DLG2: variants seen among roughly 807,000 people sequenced by gnomAD.
DLG2 encodes discs large MAGUK scaffold protein 2.
DLG2 carries 45 observed loss-of-function variants against 132.5 expected under a neutral mutation model. The observed-to-expected ratio is 0.34, with a 90% CI of 0.27 to 0.44. The LOEUF is 0.44. Among genes scored for constraint, DLG2 ranks in the 20% least tolerant of loss-of-function variants. The pLI, the probability that DLG2 is intolerant of heterozygous loss-of-function variation, is 1.00. For missense variants in DLG2, 1,045 were observed against 1,196.9 expected, an observed-to-expected ratio of 0.87 and a Z score of 1.87; for synonymous variants, 424 against 419.6, an observed-to-expected ratio of 1.01 and a Z score of -0.13.
At chr11:84,649,150 T>C (rs61899024) in intron 6 of DLG2, among the ~76,000 whole-genome samples, 28,886 of 152,094 alleles carry the variant, frequency 0.19, 3,707 homozygotes, top group African/African-American at 0.36. Flanking sequence ...TTGTTCTTTG[T>C]TTTCTTCCTG....
intron 6 of DLG2, among the ~76,000 whole-genome samples, chr11:84,761,393 T>C (rs546588043): frequency 6.6e-6 from 1 of 152,280 alleles, no homozygotes; most frequent in South Asian, 2.1e-4. Flanking sequence ...GTCAACTTTA[T>C]TGGATTGAAG....
At chr11:85,538,113 C>G (rs1185893504) in intron 3 of DLG2, among the ~76,000 whole-genome samples, 1 of 151,626 alleles carries the variant, frequency 6.6e-6, no homozygotes, top group Non-Finnish European at 1.5e-5. Context: ...GAGACTCCGT[C>G]TCAAAAAATA....
chr11:84,567,125 A>T (rs1328473703), intron 6 of DLG2, among the ~76,000 whole-genome samples: 5 of 152,136 alleles, frequency 3.3e-5, no homozygotes, highest in Non-Finnish European at 7.4e-5. Flanking sequence ...AAGTCTTGCT[A>T]TGGGGTATAA....
intron 7 of DLG2, among the ~76,000 whole-genome samples, chr11:84,359,194 T>G (rs1368146673): frequency 6.6e-6 from 1 of 151,920 alleles, no homozygotes; most frequent in African/African-American, 2.4e-5. Flanking sequence ...ATTACAAATT[T>G]TCTCCAAGTT....
chr11:85,126,512 G>C (rs2075132171), intron 5 of DLG2, among the ~76,000 whole-genome samples: 1 of 152,084 alleles, frequency 6.6e-6, no homozygotes, highest in Admixed American at 6.6e-5. Flanking sequence ...GACAGTCATA[G>C]AATCTCTTCT....
At chr11:83,775,206 A>G (rs919512071) in intron 18 of DLG2, among the ~76,000 whole-genome samples, 2 of 152,082 alleles carry the variant, frequency 1.3e-5, no homozygotes, top group African/African-American at 2.4e-5. Context: ...TTGTCCCTCC[A>G]TATCCCTCTC....
chr11:84,219,283 T>G (rs554204303), intron 8 of DLG2, among the ~76,000 whole-genome samples: 1 of 152,320 alleles, frequency 6.6e-6, no homozygotes, highest in Admixed American at 6.5e-5. Context: ...AACTAGAACT[T>G]GAAGTCAAGT....
At chr11:85,217,753 T>C (rs1386784311) in intron 4 of DLG2, among the ~76,000 whole-genome samples, 1 of 152,230 alleles carries the variant, frequency 6.6e-6, no homozygotes, top group Non-Finnish European at 1.5e-5. Flanking sequence ...TGCTTTCCTC[T>C]GCCTGCAATG....
At chr11:84,181,943 G>A (rs542007079) in intron 8 of DLG2, among the ~76,000 whole-genome samples, 8 of 152,202 alleles carry the variant, frequency 5.3e-5, no homozygotes, top group South Asian at 4.1e-4. Context: ...AGACTTGAAC[G>A]CCCCTCTATC....
At chr11:83,497,927 C>T (rs1373128899) in intron 21 of DLG2, among the ~76,000 whole-genome samples, 3 of 150,700 alleles carry the variant, frequency 2.0e-5, no homozygotes, top group South Asian at 4.2e-4. Context: ...AAAAAAACAA[C>T]AACAACTTTT....
At chr11:85,528,172 G>A (rs546894304) in intron 3 of DLG2, among the ~76,000 whole-genome samples, 59 of 152,302 alleles carry the variant, frequency 3.9e-4, no homozygotes, top group African/African-American at 1.4e-3. Flanking sequence ...TTGCTGAGCA[G>A]ACGCTCTTTA....
At chr11:84,650,122 T>C (rs1356912492) in intron 6 of DLG2, among the ~76,000 whole-genome samples, 1 of 152,202 alleles carries the variant, frequency 6.6e-6, no homozygotes, top group Admixed American at 6.5e-5. Context: ...ATTACATCTA[T>C]TCATTCCATC....
intron 6 of DLG2, among the ~76,000 whole-genome samples, chr11:85,090,284 T>G (rs1391354990): frequency 1.3e-5 from 2 of 152,188 alleles, no homozygotes; most frequent in South Asian, 2.1e-4. Flanking sequence ...AAAACTTTCA[T>G]TTACTCTCTG....
At chr11:84,674,557 C>A (rs2099709313) in intron 6 of DLG2, among the ~76,000 whole-genome samples, 1 of 152,146 alleles carries the variant, frequency 6.6e-6, no homozygotes, top group Admixed American at 6.5e-5. Flanking sequence ...TATCTCTGGA[C>A]AATATTTTAC....
intron 3 of DLG2, among the ~76,000 whole-genome samples, chr11:85,448,131 T>A (rs2092089789): frequency 6.6e-6 from 1 of 152,194 alleles, no homozygotes; most frequent in Admixed American, 6.5e-5. Flanking sequence ...TTAAAGCGAT[T>A]TTTATACTTG....
intron 6 of DLG2, among the ~76,000 whole-genome samples, chr11:84,855,408 G>A (rs1326309644): frequency 6.6e-6 from 1 of 152,022 alleles, no homozygotes; most frequent in Non-Finnish European, 1.5e-5. Flanking sequence ...GAAATGCCTT[G>A]TTTCTTACTT....
At chr11:84,031,345 A>G (rs551213018) in intron 11 of DLG2, among the ~76,000 whole-genome samples, 28 of 152,262 alleles carry the variant, frequency 1.8e-4, no homozygotes, top group African/African-American at 6.0e-4. Flanking sequence ...GGTTGGGGAA[A>G]AGGATACATT....
At chr11:85,196,345 A>G (rs1160067258) in intron 4 of DLG2, among the ~76,000 whole-genome samples, 2 of 152,248 alleles carry the variant, frequency 1.3e-5, no homozygotes, top group Non-Finnish European at 2.9e-5. Context: ...ATTTTCCTTT[A>G]TTTAAATTCT....
intron 6 of DLG2, among the ~76,000 whole-genome samples, chr11:84,646,613 A>G (rs1278849498): frequency 1.3e-5 from 2 of 149,730 alleles, no homozygotes; most frequent in Non-Finnish European, 3.0e-5. Context: ...ATGTAAAAAG[A>G]AAAAAAAAAC....
Sources: allele counts gnomAD v4.1 joint callset (sites outside exome capture counted in the v4.1 genomes callset), GRCh38; gene constraint gnomAD v4.1.1; transcripts MANE v1.5; gene names NCBI Gene and HGNC (gene_info 2026-07-23, HGNC 2026-07-21).